Variants in DMXL2 observed in about 807,000 individuals in gnomAD.
DMXL2 encodes Dmx like 2.
A neutral mutation model predicts 331.1 loss-of-function variants in DMXL2; 103 were observed. The ratio of observed to expected loss-of-function variants is 0.31; its 90% CI spans 0.27 to 0.37. The LOEUF is 0.37. Among genes scored for constraint, DMXL2 ranks in the 10% least tolerant of loss-of-function variants. The pLI is 1.00. For synonymous variants in DMXL2, 1,281 were observed against 1,252.1 expected, an observed-to-expected ratio of 1.02 and a Z score of -0.49; for missense variants, 3,171 against 3,642.9, an observed-to-expected ratio of 0.87 and a Z score of 3.33.
intron 33 of DMXL2, chr15:51,460,033 TA>T (rs2039981025): frequency 1.0e-6 from 1 of 974,114 alleles, no homozygotes; most frequent in South Asian, 4.7e-5. Flanking sequence ...GGGGTTGATT[TA>T]AAATACAAAT....
chr15:51,535,687 A>T lies in DMXL2; in HGVS notation c.2412T>A (p.Asp804Glu), dbSNP rs1240568846. The T allele has an allele frequency of 1.9e-6, 3 of 1,605,478 alleles. No individual in the cohort carries two copies. The highest frequency in any genetic ancestry group is 4.5e-5 in the East Asian group (2 of 44,570). The change falls in exon 13 of 44, where the codon GAT (aspartate) becomes GAA (glutamate). Residue 804 changes from aspartate (D) to glutamate (E), a missense_variant. Transcript: ENST00000560891. ...QAVVDARKLL[D>E]ELSDPESSKL... ...CTGAAGATTCTGGGTCTGACAATTC[A>T]TCTAATAATTTCCTTGCATCCACTA...
chr15:51,558,519 C>A (rs1404073390), intron 6 of DMXL2, among the ~76,000 whole-genome samples: 1 of 152,136 alleles, frequency 6.6e-6, no homozygotes, highest in Non-Finnish European at 1.5e-5. Flanking sequence ...ATGACAGTTA[C>A]TGCATATTTC....
chr15:51,475,140 G>A (rs953769931), intron 27 of DMXL2, among the ~76,000 whole-genome samples: 4 of 152,142 alleles, frequency 2.6e-5, no homozygotes, highest in Non-Finnish European at 5.9e-5. Flanking sequence ...TACTGAGAAA[G>A]ACACATCTTT....
chr15:51,532,478 G>T lies in DMXL2; in HGVS notation c.2436+3185C>A, dbSNP rs554529881. ...ACCTAGTATTTGATAGCACAACAGG[G>T]TGACTATAGTCAATAATTTAATTGC... On this transcript the variant is annotated intron_variant, in intron 13 of 43. Transcript: ENST00000560891. Among the ~76,000 whole-genome samples, 35 of 152,218 alleles carry T rather than the reference G, an allele frequency of 2.3e-4. 1 individual carries two copies. In the South Asian group the frequency reaches 6.0e-3, roughly 26 times the overall value.
chr15:51,478,011 C>A (rs575592442), intron 26 of DMXL2, among the ~76,000 whole-genome samples: 18 of 151,968 alleles, frequency 1.2e-4, no homozygotes, highest in African/African-American at 3.9e-4. Flanking sequence ...GGACAGTAAA[C>A]TCTTCTTTCT....
At chr15:51,564,606 G>A (rs987190327) in intron 4 of DMXL2, among the ~76,000 whole-genome samples, 1 of 151,898 alleles carries the variant, frequency 6.6e-6, no homozygotes, top group African/African-American at 2.4e-5. Flanking sequence ...CGAGATATAA[G>A]GCATAACTAC....
intron 13 of DMXL2, among the ~76,000 whole-genome samples, chr15:51,530,804 AT>A (rs2047958150): frequency 6.6e-6 from 1 of 152,132 alleles, no homozygotes; most frequent in Admixed American, 6.5e-5. Context: ...CATACATAAT[AT>A]TAAGAACCTA....
chr15:51,452,860 C>T (rs2039271235), intron 41 of DMXL2, among the ~76,000 whole-genome samples: 1 of 152,068 alleles, frequency 6.6e-6, no homozygotes, highest in South Asian at 2.1e-4. Context: ...CATCAACCAA[C>T]AAATGGATAA....
At chr15:51,474,270 G>T in intron 28 of DMXL2, 74 bp downstream of exon 28, 1 of 1,443,854 alleles carries the variant, frequency 6.9e-7, no homozygotes. Flanking sequence ...GAAATTTCTT[G>T]AAACATTAAA....
At chr15:51,453,051 A>T (rs2039293454) in intron 41 of DMXL2, among the ~76,000 whole-genome samples, 1 of 152,074 alleles carries the variant, frequency 6.6e-6, no homozygotes, top group South Asian at 2.1e-4. Flanking sequence ...GATGCAAAGG[A>T]TCAGAATGAT....
intron 25 of DMXL2, 31 bp downstream of exon 25, chr15:51,479,917 T>G (rs2041886125): frequency 2.8e-6 from 4 of 1,426,720 alleles, no homozygotes; most frequent in Non-Finnish European, 3.7e-6. Flanking sequence ...TCAGGGTGTA[T>G]AATATCAAAT....
chr15:51,455,239 A>G lies in DMXL2; in HGVS notation c.8527-11T>C. The G allele has an allele frequency of 6.2e-7, 1 of 1,610,838 alleles. No homozygotes were observed. The stretch of plus-strand genomic sequence containing the variant: ...ATCCGCAACACCACACTGTAAGAAC[A>G]GTATAACTACTAAACACATGTTCTT... On this transcript the variant is annotated splice_polypyrimidine_tract_variant and intron_variant, in intron 39 of 43. Transcript: ENST00000560891.
Position 51,449,201 on chromosome 15 carries a change from A to G in DMXL2, c.8968-8T>C. 6.2e-7 allele frequency: 1 copy of G among 1,613,730 alleles called. No individual in the cohort carries two copies. The highest frequency in any genetic ancestry group is 8.5e-7 in the Non-Finnish European group (1 of 1,179,862). On this transcript the variant is annotated splice_polypyrimidine_tract_variant and splice_region_variant and intron_variant, in intron 43 of 43. Coordinates refer to ENST00000560891, the MANE Select transcript of DMXL2 (RefSeq NM_001378457.1). ...GCCTGTCAATCTCCAAACCTAGTGC[A>G]AAACAAAAGGAGTTAAAAATATATT... is the stretch of plus-strand genomic sequence containing the variant.
chr15:51,482,700 A>AAAACT (rs1289536689), intron 23 of DMXL2, among the ~76,000 whole-genome samples: 1 of 152,244 alleles, frequency 6.6e-6, no homozygotes, highest in Non-Finnish European at 1.5e-5. Flanking sequence ...AGAAAGCAAG[A>AAAACT]AAACTATCAA....
intron 27 of DMXL2, among the ~76,000 whole-genome samples, chr15:51,475,977 G>T (rs2041548348): frequency 6.6e-6 from 1 of 152,156 alleles, no homozygotes; most frequent in African/African-American, 2.4e-5. Context: ...TTAGTATTAT[G>T]TTTGCAATTT....
At chr15:51,562,349 T>C (rs1333833366) in intron 6 of DMXL2, among the ~76,000 whole-genome samples, 3 of 152,136 alleles carry the variant, frequency 2.0e-5, no homozygotes, top group African/African-American at 4.8e-5. Flanking sequence ...ACGTAAGGCC[T>C]GAAAAAATGT....
Position 51,535,778 on chromosome 15 carries a change from T to C in DMXL2, c.2321A>G (p.Tyr774Cys). 1 of 1,605,556 alleles carries C rather than the reference T, an allele frequency of 6.2e-7. No individual in the cohort carries two copies. Among genetic ancestry groups the C allele is most frequent in the Non-Finnish European group, 8.5e-7 (1 of 1,176,790 alleles). Residue 774 changes from tyrosine (Y) to cysteine (C), a missense_variant, in exon 13 of 44, where the codon TAC becomes TGC. Physicochemically the swap from Tyr to Cys is radical, Grantham distance 194 (BLOSUM62 -2). Transcript: ENST00000560891. ...TLIPSYCLGT[Y>C]CNSASACFVA... ...AAAGCAAGCACTTGCAGAATTGCAGTATGTGCCTGAGAAAGGAAAACAAGG... is the reference window on the plus strand; with the variant it reads ...AAAGCAAGCACTTGCAGAATTGCAGCATGTGCCTGAGAAAGGAAAACAAGG...
In DMXL2 at chr15:51,535,761, C is replaced by A. The variant is rs969879364; in HGVS notation, c.2338G>T (p.Ala780Ser). ...CLGTYCNSASACFVASDGKNL... is the reference protein window; with the variant it reads ...CLGTYCNSASSCFVASDGKNL... Reference sequence around the variant, plus strand: ...TTGCCATCAGAAGCAACAAAGCAAGCACTTGCAGAATTGCAGTATGTGCCT... The same window carrying A: ...TTGCCATCAGAAGCAACAAAGCAAGAACTTGCAGAATTGCAGTATGTGCCT... The change falls in exon 13 of 44, where the codon GCT becomes TCT. Residue 780 changes from alanine to serine, a missense_variant. By Grantham distance (99) the Ala-to-Ser change is moderately conservative (BLOSUM62 1). Transcript: ENST00000560891. 6.2e-7 allele frequency: 1 copy of A among 1,609,896 alleles called. No individual in the cohort carries two copies. The highest frequency in any genetic ancestry group is 1.3e-5 in the African/African-American group (1 of 74,684).
At chr15:51,553,934 T>C (rs924296106) in intron 6 of DMXL2, among the ~76,000 whole-genome samples, 5 of 152,220 alleles carry the variant, frequency 3.3e-5, no homozygotes, top group Admixed American at 6.5e-5. Flanking sequence ...ACAGGGATTT[T>C]TGACTGTGCA....
Sources: allele counts gnomAD v4.1 joint callset (sites outside exome capture counted in the v4.1 genomes callset), GRCh38; gene constraint gnomAD v4.1.1; transcripts MANE v1.5; gene names NCBI Gene and HGNC (gene_info 2026-07-23, HGNC 2026-07-21).